Variants in UBE2R2 observed in about 807,000 individuals in gnomAD.
UBE2R2 encodes the protein ubiquitin-conjugating enzyme E2 R2.
In UBE2R2, 1 loss-of-function variant was observed where a neutral mutation model predicts 27.8. The ratio of observed to expected loss-of-function variants is 0.04; its 90% CI spans 0.01 to 0.17. UBE2R2 has a LOEUF of 0.17. UBE2R2 is among the 10% of genes least tolerant of loss of function. The pLI is 1.00. For synonymous variants in UBE2R2, 106 were observed against 113.3 expected (o/e 0.94, Z 0.41); for missense variants, 100 against 291.0 (o/e 0.34, Z 4.78).
At chr9:33,863,383 G>A (rs1022527267) in intron 1 of UBE2R2, among the ~76,000 whole-genome samples, 4 of 151,210 alleles carry the variant, frequency 2.6e-5, no homozygotes, top group South Asian at 2.1e-4. Flanking sequence ...GTGGTGGTGC[G>A]TGCCTGTAAT....
At chr9:33,866,242 C>T (rs993636669) in intron 1 of UBE2R2, among the ~76,000 whole-genome samples, 2 of 144,860 alleles carry the variant, frequency 1.4e-5, no homozygotes, top group African/African-American at 5.0e-5. Context: ...ATGTAATTAA[C>T]TTTTTTTTTT....
intron 1 of UBE2R2, among the ~76,000 whole-genome samples, chr9:33,832,810 TA>T (rs1723816971): frequency 6.6e-6 from 1 of 152,182 alleles, no homozygotes; most frequent in Non-Finnish European, 1.5e-5. Flanking sequence ...TATGGAGGTA[TA>T]ATTTATACAT....
chr9:33,862,340 C>T (rs1821258928), intron 1 of UBE2R2, among the ~76,000 whole-genome samples: 1 of 152,138 alleles, frequency 6.6e-6, no homozygotes, highest in Non-Finnish European at 1.5e-5. Context: ...CACCTCATAT[C>T]CAGAACTTCT....
intron 1 of UBE2R2, among the ~76,000 whole-genome samples, chr9:33,858,762 C>G (rs1353852368): frequency 6.6e-6 from 1 of 152,110 alleles, no homozygotes; most frequent in Non-Finnish European, 1.5e-5. Context: ...TACTCTAGGA[C>G]TATGCCAGGT....
intron 1 of UBE2R2, chr9:33,830,990 T>A (rs901667547): frequency 6.7e-6 from 1 of 149,398 alleles, no homozygotes; most frequent in Non-Finnish European, 1.5e-5. Flanking sequence ...CTGGTCCGAG[T>A]GCAGTGGTAT....
chr9:33,827,370 G>A (rs933624276), intron 1 of UBE2R2, among the ~76,000 whole-genome samples: 5 of 152,154 alleles, frequency 3.3e-5, no homozygotes, highest in African/African-American at 7.2e-5. Flanking sequence ...GCTGGGCACC[G>A]TGGCTCACGC....
At chr9:33,861,021 C>T (rs577468747) in intron 1 of UBE2R2, among the ~76,000 whole-genome samples, 169 of 150,714 alleles carry the variant, frequency 1.1e-3, no homozygotes, top group Middle Eastern at 3.4e-3. Context: ...TGCAGTGGCG[C>T]GATCTCGGCT....
chr9:33,820,010 C>CA (rs1021378609), intron 1 of UBE2R2, among the ~76,000 whole-genome samples: 1 of 152,060 alleles, frequency 6.6e-6, no homozygotes, highest in African/African-American at 2.4e-5. Context: ...GTTTGATTTC[C>CA]AAAAAGTGTC....
At chr9:33,818,273 T>C (rs539714779) in intron 1 of UBE2R2, among the ~76,000 whole-genome samples, 44 of 151,322 alleles carry the variant, frequency 2.9e-4, no homozygotes, top group African/African-American at 9.9e-4. Flanking sequence ...TCTGTGCTTT[T>C]TCGTTCTCCG....
upstream of UBE2R2, among the ~76,000 whole-genome samples, chr9:33,816,659 G>C (rs1825767154): frequency 6.6e-6 from 1 of 152,222 alleles, no homozygotes; most frequent in Admixed American, 6.5e-5. Flanking sequence ...CCACCGAAAA[G>C]ACCCACATTG....
chr9:33,906,040 C>T (rs1255378545), intron 3 of UBE2R2, among the ~76,000 whole-genome samples: 2 of 152,200 alleles, frequency 1.3e-5, no homozygotes, highest in Non-Finnish European at 1.5e-5. Context: ...TGCATACATG[C>T]ATGCTTGCCC....
At chr9:33,857,130 A>G (rs747556786) in intron 1 of UBE2R2, among the ~76,000 whole-genome samples, 3 of 151,510 alleles carry the variant, frequency 2.0e-5, no homozygotes, top group Non-Finnish European at 2.9e-5. Flanking sequence ...TCTTGACCTC[A>G]GGTGATCCGC....
chr9:33,839,284 C>T (rs1384945252), intron 1 of UBE2R2, among the ~76,000 whole-genome samples: 1 of 152,124 alleles, frequency 6.6e-6, no homozygotes, highest in Non-Finnish European at 1.5e-5. Flanking sequence ...GTTGCCCAGA[C>T]TGGACTGCAA....
intron 1 of UBE2R2, among the ~76,000 whole-genome samples, chr9:33,842,299 G>C (rs1423726601): frequency 4.6e-5 from 7 of 152,168 alleles, no homozygotes; most frequent in Non-Finnish European, 8.8e-5. Flanking sequence ...TACGCGGAAG[G>C]CTGAGGTAGG....
chr9:33,897,771 T>C (rs2130807007), intron 2 of UBE2R2, among the ~76,000 whole-genome samples: 1 of 140,370 alleles, frequency 7.1e-6, no homozygotes, highest in Middle Eastern at 3.4e-3. Context: ...CTCTTTTCTT[T>C]TTTCTTTTTT....
At chr9:33,888,317 A>G (rs1360792488) in intron 2 of UBE2R2, among the ~76,000 whole-genome samples, 1 of 151,996 alleles carries the variant, frequency 6.6e-6, no homozygotes, top group Non-Finnish European at 1.5e-5. Context: ...AAAAAAACAA[A>G]CAAAAAAAAA....
chr9:33,834,673 G>A (rs1820573977), intron 1 of UBE2R2, among the ~76,000 whole-genome samples: 1 of 151,972 alleles, frequency 6.6e-6, no homozygotes, highest in African/African-American at 2.4e-5. Flanking sequence ...CACTTTGGGA[G>A]GCTGAAGCAG....
chr9:33,823,209 T>C (rs1820196892), intron 1 of UBE2R2, among the ~76,000 whole-genome samples: 1 of 150,768 alleles, frequency 6.6e-6, no homozygotes, highest in Non-Finnish European at 1.5e-5. Flanking sequence ...CCCAGCCTAT[T>C]ATTATTATTT....
chr9:33,856,589 G>C (rs774011936), intron 1 of UBE2R2, among the ~76,000 whole-genome samples: 11 of 151,872 alleles, frequency 7.2e-5, no homozygotes, highest in Non-Finnish European at 1.2e-4. Context: ...CCATTATAGT[G>C]ATAGCAATAT....
Sources: gnomAD v4.1 joint callset for allele counts (sites outside exome capture counted in the v4.1 genomes callset) on GRCh38, gnomAD v4.1.1 for gene constraint, MANE v1.5 for transcripts, NCBI Gene and HGNC (gene_info 2026-07-23, HGNC 2026-07-21) for gene names.